MAF: variants seen among roughly 807,000 people sequenced by gnomAD.
MAF encodes MAF bZIP transcription factor, also known as transcription factor Maf.
Under a neutral mutation model 22.0 loss-of-function variants are expected in MAF, and 10 were observed. That is an observed-to-expected ratio of 0.45 (90% CI 0.28 to 0.77). The LOEUF is 0.77. MAF is among the 30% of genes least tolerant of loss of function. MAF has a pLI of 0.12. For missense variants in MAF, 544 were observed against 548.4 expected, an observed-to-expected ratio of 0.99 and a Z score of 0.08; for synonymous variants, 337 against 255.8, an observed-to-expected ratio of 1.32 and a Z score of -3.03.
At chr16:79,288,892 G>C in the MAF span, among the ~76,000 whole-genome samples, 1 of 152,092 alleles carries the variant, frequency 6.6e-6, no homozygotes, top group African/African-American at 2.4e-5. Context: ...ACCATGCCCA[G>C]CTAATTTTTC....
At chr16:79,387,118 C>G in the MAF span, among the ~76,000 whole-genome samples, 6 of 152,158 alleles carry the variant, frequency 3.9e-5, no homozygotes, top group African/African-American at 1.4e-4. Flanking sequence ...TTAAAGTAAG[C>G]AAATTCTCTG....
chr16:79,414,795 C>G, the MAF span, among the ~76,000 whole-genome samples: 1 of 152,308 alleles, frequency 6.6e-6, no homozygotes, highest in African/African-American at 2.4e-5. Flanking sequence ...CAAACAACTT[C>G]CAAATATCAA....
chr16:79,410,587 A>T, the MAF span, among the ~76,000 whole-genome samples: 1 of 152,346 alleles, frequency 6.6e-6, no homozygotes, highest in East Asian at 1.9e-4. Context: ...GATCTCAAGG[A>T]GCTGCTCACA....
At chr16:79,467,936 TC>T in the MAF span, among the ~76,000 whole-genome samples, 3 of 141,150 alleles carry the variant, frequency 2.1e-5, no homozygotes, top group African/African-American at 8.2e-5. Context: ...GGGGTGGTGG[TC>T]GTGGGGGGGT....
At chr16:79,338,806 T>C in the MAF span, among the ~76,000 whole-genome samples, 3 of 152,142 alleles carry the variant, frequency 2.0e-5, no homozygotes, top group South Asian at 2.1e-4. Flanking sequence ...AGTTTTCTTG[T>C]TTAAGAAAAG....
chr16:79,235,509 C>T, the MAF span, among the ~76,000 whole-genome samples: 6 of 151,802 alleles, frequency 4.0e-5, no homozygotes, highest in East Asian at 1.9e-4. Flanking sequence ...GAGGGGCAAC[C>T]GCACTACTGC....
chr16:79,257,037 T>C, the MAF span, among the ~76,000 whole-genome samples: 1 of 151,714 alleles, frequency 6.6e-6, no homozygotes. Context: ...ATTAGCCAGG[T>C]ATGGTGGTGG....
chr16:79,472,178 C>G, the MAF span, among the ~76,000 whole-genome samples: 1 of 152,072 alleles, frequency 6.6e-6, no homozygotes, highest in Non-Finnish European at 1.5e-5. Flanking sequence ...CCTCAAGCAG[C>G]TCAAAGGCTG....
At chr16:79,383,647 A>G in the MAF span, among the ~76,000 whole-genome samples, 1 of 152,144 alleles carries the variant, frequency 6.6e-6, no homozygotes, top group Non-Finnish European at 1.5e-5. Flanking sequence ...GGTTTTGTGA[A>G]TTATTTTTAT....
chr16:79,317,383 C>T, the MAF span, among the ~76,000 whole-genome samples: 1 of 145,108 alleles, frequency 6.9e-6, no homozygotes. Context: ...CTTCTTCCTT[C>T]CTCTCTCCCT....
chr16:79,412,618 G>A, the MAF span, among the ~76,000 whole-genome samples: 1 of 152,168 alleles, frequency 6.6e-6, no homozygotes, highest in Non-Finnish European at 1.5e-5. Flanking sequence ...TGTGGCAGTT[G>A]CGCCCAGTTG....
At chr16:79,308,784 TGG>T in the MAF span, among the ~76,000 whole-genome samples, 3 of 152,176 alleles carry the variant, frequency 2.0e-5, no homozygotes, top group Non-Finnish European at 4.4e-5. Flanking sequence ...AGCTGGAAAG[TGG>T]CAGATCTAGG....
At chr16:79,480,451 G>C in the MAF span, among the ~76,000 whole-genome samples, 2 of 151,970 alleles carry the variant, frequency 1.3e-5, no homozygotes, top group African/African-American at 4.8e-5. Flanking sequence ...AAGGGGCAAA[G>C]AAGGGAGACG....
At chr16:79,580,106 C>G in the MAF span, among the ~76,000 whole-genome samples, 9 of 152,138 alleles carry the variant, frequency 5.9e-5, no homozygotes, top group Admixed American at 5.9e-4. Context: ...TCTGTCAAAC[C>G]TCCCACTCTC....
downstream of MAF, among the ~76,000 whole-genome samples, chr16:79,584,264 A>G (rs972427094): frequency 2.0e-5 from 3 of 152,210 alleles, no homozygotes; most frequent in Non-Finnish European, 4.4e-5. Flanking sequence ...TTTGGCTTCC[A>G]TGACTGAAAT....
chr16:79,465,159 C>G, the MAF span, among the ~76,000 whole-genome samples: 1 of 152,192 alleles, frequency 6.6e-6, no homozygotes, highest in Non-Finnish European at 1.5e-5. Flanking sequence ...CAGGGCTCCC[C>G]TCAATGCTGA....
At chr16:79,390,231 G>A in the MAF span, among the ~76,000 whole-genome samples, 7 of 151,956 alleles carry the variant, frequency 4.6e-5, no homozygotes, top group African/African-American at 1.7e-4. Context: ...TGGCAATATT[G>A]CTTCTCTCCC....
chr16:79,514,719 G>T, the MAF span, among the ~76,000 whole-genome samples: 4 of 152,202 alleles, frequency 2.6e-5, no homozygotes, highest in Non-Finnish European at 5.9e-5. Context: ...CTGTGCCCTG[G>T]GAGGCTGTCG....
the MAF span, among the ~76,000 whole-genome samples, chr16:79,539,611 A>T: frequency 5.9e-5 from 9 of 152,384 alleles, no homozygotes; most frequent in East Asian, 1.7e-3. Flanking sequence ...ATTCAGACTA[A>T]GATTTATAAA....
Sources: allele counts gnomAD v4.1 joint callset (sites outside exome capture counted in the v4.1 genomes callset), GRCh38; gene constraint gnomAD v4.1.1; transcripts MANE v1.5; gene names NCBI Gene and HGNC (gene_info 2026-07-23, HGNC 2026-07-21).